The following SRRM4 variants were observed in gnomAD, a reference collection of about 807,000 sequenced individuals.
SRRM4 encodes the protein serine/arginine repetitive matrix 4.
A neutral mutation model predicts 68.9 loss-of-function variants in SRRM4; 33 were observed. That is an observed-to-expected ratio of 0.48 (90% CI 0.36 to 0.64). The LOEUF (loss-of-function observed/expected upper bound fraction) is 0.64, where lower values mean the gene tolerates loss of function less well. SRRM4 is among the 30% of genes least tolerant of loss of function. The probability of loss-of-function intolerance (pLI) is 0.00; values close to 1 mark genes in which losing one functional copy is unlikely to be tolerated. For missense variants in SRRM4, 817 were observed against 827.1 expected, an observed-to-expected ratio of 0.99 and a Z score of 0.15; for synonymous variants, 318 against 318.8, an observed-to-expected ratio of 1.00 and a Z score of 0.03.
At position 119,102,133 on chromosome 12, in the gene SRRM4, G is replaced by A; in HGVS notation, c.132-103G>A. The stretch of plus-strand genomic sequence containing the variant: ...ATAATCTCATGGGCTCAACCTAACT[G>A]TAAGGGAAGCTGGGAAATACTAGTA... On this transcript the variant is annotated intron_variant, in intron 1 of 12. Transcript: ENST00000267260. 2.5e-6 allele frequency: 3 copies of A among 1,210,336 alleles called. 1 individual carries two copies. In the South Asian group the frequency reaches 4.9e-5, roughly 20 times the overall value. 75.0% of individuals were successfully genotyped at this position (1,210,336 alleles called of 1,614,324 possible). A position where few individuals can be genotyped will look rare whatever the true frequency, so the allele number is the denominator to read the frequency against.
intron 1 of SRRM4, among the ~76,000 whole-genome samples, chr12:119,071,533 G>T (rs1044585383): frequency 2.0e-5 from 3 of 152,068 alleles, no homozygotes; most frequent in Non-Finnish European, 4.4e-5. Context: ...ATTTACATAC[G>T]ATAAAATAAG....
intron 1 of SRRM4, among the ~76,000 whole-genome samples, chr12:119,016,428 G>C (rs1953481391): frequency 6.7e-6 from 1 of 148,540 alleles, no homozygotes; most frequent in East Asian, 2.0e-4. Context: ...TTGCCCTCCA[G>C]AGTTCAGAAT....
intron 1 of SRRM4, among the ~76,000 whole-genome samples, chr12:119,044,612 T>G (rs1333876529): frequency 6.6e-6 from 1 of 152,072 alleles, no homozygotes. Flanking sequence ...TGTGTAGACT[T>G]GGCCAAGTCC....
intron 1 of SRRM4, among the ~76,000 whole-genome samples, chr12:119,016,609 C>G (rs1413462180): frequency 2.0e-5 from 3 of 152,180 alleles, no homozygotes; most frequent in Non-Finnish European, 4.4e-5. Context: ...GTTCAACACT[C>G]GTTACCCTGG....
intron 9 of SRRM4, among the ~76,000 whole-genome samples, chr12:119,147,206 A>C (rs1954408694): frequency 6.6e-6 from 1 of 152,226 alleles, no homozygotes; most frequent in Admixed American, 6.5e-5. Flanking sequence ...AAAGAAGCCA[A>C]TGTGAAAAGG....
At chr12:119,103,938 G>A (rs1954092005) in intron 2 of SRRM4, among the ~76,000 whole-genome samples, 1 of 152,200 alleles carries the variant, frequency 6.6e-6, no homozygotes, top group Non-Finnish European at 1.5e-5. Context: ...AGGAGGAGGA[G>A]GTTGCAGTGA....
intron 1 of SRRM4, among the ~76,000 whole-genome samples, chr12:119,011,073 C>T (rs1449150972): frequency 6.6e-6 from 1 of 152,030 alleles, no homozygotes; most frequent in Non-Finnish European, 1.5e-5. Flanking sequence ...TCAATGACAG[C>T]ATCACATATG....
intron 8 of SRRM4, among the ~76,000 whole-genome samples, chr12:119,133,596 G>A (rs11064677): frequency 0.55 from 84,039 of 151,936 alleles, 23,510 homozygotes; most frequent in South Asian, 0.63. Context: ...GCCCTTTCTC[G>A]TCTTCTCTAT....
intron 1 of SRRM4, among the ~76,000 whole-genome samples, chr12:119,003,010 C>T (rs1379435843): frequency 6.6e-6 from 1 of 151,822 alleles, no homozygotes; most frequent in Non-Finnish European, 1.5e-5. Flanking sequence ...AGTTGAGAAA[C>T]CTGGAGCTCA....
intron 1 of SRRM4, among the ~76,000 whole-genome samples, chr12:119,098,368 T>C (rs1045281198): frequency 2.0e-5 from 3 of 152,248 alleles, no homozygotes; most frequent in Admixed American, 1.3e-4. Flanking sequence ...GCTGAGTTAC[T>C]GACCCTTTCT....
At chr12:119,114,235 G>A in intron 2 of SRRM4, 43 bp from the exon 3 acceptor site, 1 of 1,563,948 alleles carries the variant, frequency 6.4e-7, no homozygotes, top group Non-Finnish European at 8.8e-7. Context: ...GGGGAGTTGG[G>A]GAACCATGAG....
chr12:118,985,961 A>G (rs1953279591), intron 1 of SRRM4, among the ~76,000 whole-genome samples: 1 of 152,234 alleles, frequency 6.6e-6, no homozygotes, highest in Non-Finnish European at 1.5e-5. Context: ...CATTTTCCTT[A>G]CAATTCTTTT....
chr12:119,090,054 C>T (rs7305005), intron 1 of SRRM4, among the ~76,000 whole-genome samples: 5,957 of 152,068 alleles, frequency 0.039, 126 homozygotes, highest in African/African-American at 0.057. Context: ...TAATACAATC[C>T]AGTTTCTCTG....
At chr12:119,147,437 G>GGTAC (rs1253460679) in intron 9 of SRRM4, among the ~76,000 whole-genome samples, 1 of 152,156 alleles carries the variant, frequency 6.6e-6, no homozygotes, top group Non-Finnish European at 1.5e-5. Context: ...ACACCAAGAG[G>GGTAC]GTACTCTGAT....
At chr12:119,149,315 T>C (rs1229950540) in intron 9 of SRRM4, among the ~76,000 whole-genome samples, 1 of 152,180 alleles carries the variant, frequency 6.6e-6, no homozygotes, top group East Asian at 1.9e-4. Context: ...GTCACTGCAC[T>C]CCAGCCTGGC....
At position 119,095,144 on chromosome 12, in the gene SRRM4, C is replaced by T. The variant is rs530677027; in HGVS notation, c.132-7092C>T. Among the ~76,000 whole-genome samples, 5 of 152,260 alleles carry T rather than the reference C, an allele frequency of 3.3e-5. No individual in the cohort carries two copies. In the East Asian group the frequency reaches 5.8e-4, roughly 18 times the overall value. ...TCCAGGCTTAATGAACTGGATTCAC[C>T]TTGAAAACGAGTCGGAATGCCAAGA... On this transcript the variant is annotated intron_variant, in intron 1 of 12. Coordinates refer to ENST00000267260, the MANE Select transcript of SRRM4 (RefSeq NM_194286.4).
At chr12:119,131,619 GAA>G (rs1213099858) in intron 8 of SRRM4, among the ~76,000 whole-genome samples, 10 of 152,222 alleles carry the variant, frequency 6.6e-5, no homozygotes, top group Admixed American at 6.5e-4. Context: ...AAATGGATCT[GAA>G]TTCAGTCCTA....
intron 1 of SRRM4, among the ~76,000 whole-genome samples, chr12:119,053,211 C>G (rs1182458354): frequency 6.6e-6 from 1 of 152,128 alleles, no homozygotes; most frequent in Admixed American, 6.6e-5. Context: ...ATAATGTTCT[C>G]TTGTTTTCAT....
chr12:119,055,442 G>GT (rs142244332), intron 1 of SRRM4, among the ~76,000 whole-genome samples: 6,215 of 152,140 alleles, frequency 0.041, 189 homozygotes, highest in South Asian at 0.065. Context: ...TTAGTTCAGG[G>GT]TTTTTTTCCA....
Sources: allele counts gnomAD v4.1 joint callset (sites outside exome capture counted in the v4.1 genomes callset), GRCh38; gene constraint gnomAD v4.1.1; transcripts MANE v1.5; gene names NCBI Gene and HGNC (gene_info 2026-07-23, HGNC 2026-07-21).